The following CELF2 variants were observed in gnomAD, a reference collection of about 807,000 sequenced individuals.
CELF2 encodes CUGBP Elav-like family member 2.
Under a neutral mutation model 62.6 loss-of-function variants are expected in CELF2, and 8 were observed. The ratio of observed to expected loss-of-function variants is 0.13; its 90% confidence interval spans 0.07 to 0.23. The LOEUF (loss-of-function observed/expected upper bound fraction) is 0.23. Ranked by LOEUF, CELF2 falls within the 10% of genes least tolerant of loss-of-function variation. CELF2 has a pLI of 1.00. For missense variants in CELF2, 333 were observed against 671.0 expected (o/e 0.50, Z 5.56); for synonymous variants, 258 against 250.0 (o/e 1.03, Z -0.30).
the CELF2 span, among the ~76,000 whole-genome samples, chr10:10,482,170 T>C: frequency 6.6e-6 from 1 of 152,234 alleles, no homozygotes; most frequent in Non-Finnish European, 1.5e-5. Flanking sequence ...TGATTATGTA[T>C]TCATGCATTT....
At chr10:11,089,288 T>C (rs1172757814) in intron 1 of CELF2, among the ~76,000 whole-genome samples, 1 of 152,170 alleles carries the variant, frequency 6.6e-6, no homozygotes, top group Non-Finnish European at 1.5e-5. Flanking sequence ...GCAGCAAAGA[T>C]GACTAATTCA....
rs1244552403 is a variant in CELF2 at position 11,332,170 on chromosome 10, T to C, written c.*3117T>C. The C allele has an allele frequency of 1.3e-5, 2 of 149,980 alleles. No individual in the cohort carries two copies. Among genetic ancestry groups the C allele is most frequent in the African/African-American group, 2.5e-5 (1 of 39,342 alleles). The allele number at this position is 149,980 out of a possible 1,614,324, so 9.3% of individuals were successfully genotyped here. A position where few individuals can be genotyped will look rare whatever the true frequency, so the allele number is the denominator to read the frequency against. ...GATAAACCCTGAGGGAAAACGGAGGTAGATTCAGCACCTAACAATCCTGTA... is the reference window on the plus strand; with the variant it reads ...GATAAACCCTGAGGGAAAACGGAGGCAGATTCAGCACCTAACAATCCTGTA... On this transcript the variant is annotated 3_prime_UTR_variant, in exon 13 of 13. Transcript: ENST00000633077.
intron 1 of CELF2, among the ~76,000 whole-genome samples, chr10:11,042,388 A>G (rs914724970): frequency 6.6e-6 from 1 of 152,202 alleles, no homozygotes; most frequent in African/African-American, 2.4e-5. Flanking sequence ...CATACAGATG[A>G]TTGAACGGTC....
chr10:10,781,992 A>G, the CELF2 span, among the ~76,000 whole-genome samples: 1 of 152,244 alleles, frequency 6.6e-6, no homozygotes, highest in Non-Finnish European at 1.5e-5. Flanking sequence ...CACAGCATTT[A>G]CATTTTATTC....
chr10:11,165,222 G>A lies in CELF2; in HGVS notation c.75-264G>A. 1 of 1,314,598 alleles carries A rather than the reference G, an allele frequency of 7.6e-7. No homozygotes were observed. The highest frequency in any genetic ancestry group is 9.7e-7 in the Non-Finnish European group (1 of 1,028,340). 81.4% of individuals were successfully genotyped at this position (1,314,598 alleles called of 1,614,324 possible). On this transcript the variant is annotated intron_variant, in intron 1 of 12. Transcript: ENST00000633077. This position sits in a 1 kb window ranked among gnomAD's most constrained non-coding sequence, Gnocchi z 7.4. ...CGAGCCTCCAAGATGTCCACGCCCT[G>A]GGTGACAGGCGGCAGGGCGCTGCCC...
chr10:10,946,445 T>C (rs1051627459), intron 2 of CELF2: 4 of 152,634 alleles, frequency 2.6e-5, no homozygotes, highest in African/African-American at 9.7e-5. Context: ...TTTTCCCTCT[T>C]TGGATGTTTT....
At chr10:11,092,455 A>G (rs1434661857) in intron 1 of CELF2, 1 of 152,172 alleles carries the variant, frequency 6.6e-6, no homozygotes, top group East Asian at 1.9e-4. Context: ...CCTCATAACA[A>G]AAGATTAAGA....
At chr10:10,824,311 AT>A (rs1360921385) in intron 1 of CELF2, among the ~76,000 whole-genome samples, 2 of 152,154 alleles carry the variant, frequency 1.3e-5, no homozygotes, top group African/African-American at 4.8e-5. Context: ...AAATGTATTT[AT>A]TTATTTGGCC....
the CELF2 span, among the ~76,000 whole-genome samples, chr10:10,766,064 TGTAA>T: frequency 4.8e-3 from 729 of 152,306 alleles, 4 homozygotes; most frequent in African/African-American, 1.0e-2. Context: ...AGTGCTCCTA[TGTAA>T]GTAAGTGTCC....
At chr10:11,074,499 T>TA (rs1437843593) in intron 1 of CELF2, among the ~76,000 whole-genome samples, 3 of 152,218 alleles carry the variant, frequency 2.0e-5, no homozygotes, top group Non-Finnish European at 4.4e-5. Flanking sequence ...AGCATGGAGT[T>TA]AAAGGGAAAG....
At chr10:10,798,696 C>T (rs1044563369) in exon 1 of CELF2, 12 of 398,620 alleles carry the variant, frequency 3.0e-5, no homozygotes, top group Admixed American at 1.8e-4. Context: ...CCAGAATCCT[C>T]CGTCTGTTCC....
chr10:10,798,748 C>G (rs2054329058), exon 1 of CELF2: 2 of 398,844 alleles, frequency 5.0e-6, no homozygotes, highest in Non-Finnish European at 8.8e-6. Flanking sequence ...GACTCGCCCT[C>G]AGCCGGCTCC....
intron 2 of CELF2, among the ~76,000 whole-genome samples, chr10:10,976,902 G>T (rs2051408074): frequency 6.6e-6 from 1 of 152,110 alleles, no homozygotes; most frequent in Non-Finnish European, 1.5e-5. Context: ...TGCATTTCCA[G>T]ATAACCCTTC....
chr10:10,776,107 A>C, the CELF2 span: 1 of 152,796 alleles, frequency 6.5e-6, no homozygotes, highest in African/African-American at 2.4e-5. Flanking sequence ...CTCCAACGTA[A>C]ATACCTCCCA....
chr10:10,932,473 C>G (rs7923184), intron 2 of CELF2, among the ~76,000 whole-genome samples: 45,174 of 151,976 alleles, frequency 0.3, 7,102 homozygotes, highest in Admixed American at 0.34. Flanking sequence ...ATTCCACAGT[C>G]TATGTATATG....
the CELF2 span, among the ~76,000 whole-genome samples, chr10:10,642,746 T>G: frequency 6.6e-6 from 1 of 152,134 alleles, no homozygotes; most frequent in Non-Finnish European, 1.5e-5. Context: ...CCCAGAAGAG[T>G]ACGTTGATAT....
At chr10:10,898,139 T>C (rs1037378971) in intron 1 of CELF2, among the ~76,000 whole-genome samples, 1 of 152,232 alleles carries the variant, frequency 6.6e-6, no homozygotes, top group African/African-American at 2.4e-5. Context: ...TGGGAAAGTC[T>C]ACTGTATGCC....
chr10:11,113,475 G>A (rs1317705342), intron 1 of CELF2, among the ~76,000 whole-genome samples: 2 of 152,194 alleles, frequency 1.3e-5, no homozygotes, highest in Non-Finnish European at 2.9e-5. Flanking sequence ...GAGGAAAAGG[G>A]ACGATAAAAT....
chr10:10,839,687 T>C (rs1323784211), intron 1 of CELF2, among the ~76,000 whole-genome samples: 1 of 152,216 alleles, frequency 6.6e-6, no homozygotes, highest in Non-Finnish European at 1.5e-5. Context: ...ACATTCTGAA[T>C]TCCACCCTGG....
Sources: allele counts gnomAD v4.1 joint callset (sites outside exome capture counted in the v4.1 genomes callset), GRCh38; gene constraint gnomAD v4.1.1; non-coding constraint Gnocchi (gnomAD v3.1); transcripts MANE v1.5; gene names NCBI Gene and HGNC (gene_info 2026-07-23, HGNC 2026-07-21).